Variants in ADGRV1 observed in about 807,000 individuals in gnomAD.
The protein encoded by ADGRV1 is adhesion G protein-coupled receptor V1.
Under a neutral mutation model 596.2 loss-of-function variants are expected in ADGRV1, and 359 were observed. That is an observed-to-expected ratio of 0.60 (90% confidence interval 0.55 to 0.66). ADGRV1 has a LOEUF of 0.66. Ranked by LOEUF, ADGRV1 falls within the 30% of genes least tolerant of loss-of-function variation. The pLI is 0.00. For synonymous variants in ADGRV1, 2,681 were observed against 2,679.2 expected (o/e 1.00, Z -0.02); for missense variants, 7,274 against 7,575.6 (o/e 0.96, Z 1.48).
At chr5:91,153,549 G>C (rs1216391864) in intron 89 of ADGRV1, among the ~76,000 whole-genome samples, 151 bp downstream of exon 89, 1 of 152,094 alleles carries the variant, frequency 6.6e-6, no homozygotes, top group African/African-American at 2.4e-5. Context: ...AAAACTCTAG[G>C]ATATTTTGTT....
intron 86 of ADGRV1, among the ~76,000 whole-genome samples, chr5:91,098,449 C>T (rs1243697179): frequency 1.3e-5 from 2 of 152,136 alleles, no homozygotes; most frequent in Non-Finnish European, 2.9e-5. Context: ...CACCTAATTA[C>T]GGTTTTGTAA....
At chr5:90,694,786 A>G in intron 33 of ADGRV1, 85 bp downstream of exon 33, 1 of 1,225,514 alleles carries the variant, frequency 8.2e-7, no homozygotes, top group Non-Finnish European at 1.1e-6. Context: ...AAGAATTCTT[A>G]CTGTGTACAT....
rs2149379385 is a variant in ADGRV1 at position 90,628,083 on chromosome 5, T to G, written c.1238+307T>G. On this transcript the variant is annotated intron_variant, in intron 7 of 89. Coordinates refer to ENST00000405460, the MANE Select transcript of ADGRV1 (RefSeq NM_032119.4). Reference sequence around the variant, plus strand: ...TAGGACACATTCACATATCTACACCTTCATATTAAAAATACTTTTTTCCGC... The same window carrying G: ...TAGGACACATTCACATATCTACACCGTCATATTAAAAATACTTTTTTCCGC... The G allele has an allele frequency of 2.1e-5, 4 of 187,800 alleles. No homozygotes were observed. The South Asian group carries it at 7.0e-4, about 33-fold the overall frequency. 11.6% of individuals were successfully genotyped at this position (187,800 alleles called of 1,614,324 possible).
intron 4 of ADGRV1, among the ~76,000 whole-genome samples, chr5:90,622,382 C>T (rs779501181): frequency 1.3e-5 from 2 of 152,214 alleles, no homozygotes; most frequent in Non-Finnish European, 2.9e-5. Flanking sequence ...ACATCTTTTG[C>T]CTGACTAGTT....
intron 6 of ADGRV1, chr5:90,625,689 C>T (rs1370262633): frequency 6.6e-6 from 1 of 152,540 alleles, no homozygotes; most frequent in Non-Finnish European, 1.5e-5. Context: ...CAAGCTCCGC[C>T]TCCAGGGTTC....
chr5:90,729,408 C>G (rs984786123), intron 49 of ADGRV1, among the ~76,000 whole-genome samples: 1 of 151,982 alleles, frequency 6.6e-6, no homozygotes, highest in Non-Finnish European at 1.5e-5. Context: ...AAAAAATTGT[C>G]CTTGTTCTTT....
chr5:90,660,283 T>C (rs756730616), intron 21 of ADGRV1, among the ~76,000 whole-genome samples: 6 of 152,196 alleles, frequency 3.9e-5, no homozygotes, highest in Non-Finnish European at 7.4e-5. Context: ...TAATTTTTCA[T>C]TTGAATATGG....
intron 29 of ADGRV1, among the ~76,000 whole-genome samples, chr5:90,686,997 G>A (rs1302087009): frequency 6.6e-6 from 1 of 152,074 alleles, no homozygotes; most frequent in Non-Finnish European, 1.5e-5. Context: ...GTGTTTTTTG[G>A]CTGCATAAAT....
At chr5:90,976,370 CTT>C (rs1232076086) in intron 84 of ADGRV1, among the ~76,000 whole-genome samples, 1 of 137,768 alleles carries the variant, frequency 7.3e-6, no homozygotes, top group Non-Finnish European at 1.5e-5. Context: ...ATATGGACAT[CTT>C]TAAGTTTACC....
At chr5:90,802,972 A>C in intron 71 of ADGRV1, 90 bp downstream of exon 71, 919 of 1,010,730 alleles carry the variant, frequency 9.1e-4, no homozygotes, top group Non-Finnish European at 1.1e-3. Flanking sequence ...AGAATTTCTC[A>C]TGAGTAACTA....
chr5:90,601,930 G>C (rs577321352), intron 1 of ADGRV1, among the ~76,000 whole-genome samples: 15 of 152,150 alleles, frequency 9.9e-5, no homozygotes, highest in Non-Finnish European at 1.9e-4. Context: ...TGGACAATAA[G>C]GGTATACAGG....
At chr5:90,624,307 T>C (rs1013332122) in intron 5 of ADGRV1, among the ~76,000 whole-genome samples, 1 of 152,164 alleles carries the variant, frequency 6.6e-6, no homozygotes, top group Non-Finnish European at 1.5e-5. Context: ...TTTTTGAAAA[T>C]TTTTCTGATA....
intron 83 of ADGRV1, among the ~76,000 whole-genome samples, chr5:90,889,656 A>C (rs915915214): frequency 1.3e-5 from 2 of 152,008 alleles, no homozygotes; most frequent in Admixed American, 6.6e-5. Flanking sequence ...TTTTTAAATT[A>C]TTATATAATT....
chr5:90,563,729 C>A (rs1755170447), intron 1 of ADGRV1, among the ~76,000 whole-genome samples: 1 of 152,190 alleles, frequency 6.6e-6, no homozygotes, highest in African/African-American at 2.4e-5. Flanking sequence ...AGAAAAGATT[C>A]TAAAGTGTTA....
rs1406718297 is a variant in ADGRV1 at position 90,789,722 on chromosome 5, A to C, written c.13914A>C (p.Pro4638=). 6.4e-7 allele frequency: 1 copy of C among 1,556,904 alleles called. No individual in the cohort carries two copies. The highest frequency in any genetic ancestry group is 1.4e-5 in the African/African-American group (1 of 73,674). The part of the protein sequence containing the change: ...VTLTIQEFGD[P]NGVVQFAPET... ...TTTAGATACAAGAGTTTGGTGACCCAAATGGAGTTGTTCAGTTTGCTCCTG... is the reference window on the plus strand; with the variant it reads ...TTTAGATACAAGAGTTTGGTGACCCCAATGGAGTTGTTCAGTTTGCTCCTG... The change falls in exon 69 of 90, where the codon CCA becomes CCC. Residue 4638 remains proline, a synonymous_variant. Coordinates refer to ENST00000405460, the MANE Select transcript of ADGRV1 (RefSeq NM_032119.4).
At chr5:90,808,276 C>T (rs73179309) in intron 73 of ADGRV1, among the ~76,000 whole-genome samples, 2,921 of 152,236 alleles carry the variant, frequency 0.019, 101 homozygotes, top group African/African-American at 0.067. Context: ...GGGATAGACT[C>T]GACCAGAGCA....
At chr5:91,094,273 A>G (rs951450068) in intron 86 of ADGRV1, among the ~76,000 whole-genome samples, 1 of 152,046 alleles carries the variant, frequency 6.6e-6, no homozygotes, top group Admixed American at 6.5e-5. Flanking sequence ...AGCCTGGCCA[A>G]CATGATAAAA....
chr5:91,097,393 T>TG (rs2126620658), intron 86 of ADGRV1, among the ~76,000 whole-genome samples: 1 of 152,338 alleles, frequency 6.6e-6, no homozygotes, highest in East Asian at 1.9e-4. Context: ...ATATAAAGTT[T>TG]GGGGGGACAC....
intron 21 of ADGRV1, among the ~76,000 whole-genome samples, chr5:90,659,341 G>A (rs541833960): frequency 8.5e-5 from 13 of 152,252 alleles, no homozygotes; most frequent in Non-Finnish European, 1.8e-4. Flanking sequence ...CATAATATAG[G>A]TGCGTTATTA....
Sources: allele counts gnomAD v4.1 joint callset (sites outside exome capture counted in the v4.1 genomes callset), GRCh38; gene constraint gnomAD v4.1.1; transcripts MANE v1.5; gene names NCBI Gene and HGNC (gene_info 2026-07-23, HGNC 2026-07-21).